Variants in TSPAN18 observed in about 807,000 individuals in gnomAD.
TSPAN18 encodes tetraspanin 18.
In TSPAN18, 14 loss-of-function variants were observed where a neutral mutation model predicts 27.3. The ratio of observed to expected loss-of-function variants is 0.51; its 90% CI spans 0.34 to 0.80. The LOEUF is 0.80. TSPAN18 is among the 30% of genes least tolerant of loss of function. The pLI, the probability that TSPAN18 is intolerant of heterozygous loss-of-function variation, is 0.01. For synonymous variants in TSPAN18, 143 were observed against 136.5 expected, an observed-to-expected ratio of 1.05 and a Z score of -0.33; for missense variants, 268 against 323.9, an observed-to-expected ratio of 0.83 and a Z score of 1.32.
chr11:44,848,396 A>G (rs527851305), intron 2 of TSPAN18, among the ~76,000 whole-genome samples: 1 of 152,276 alleles, frequency 6.6e-6, no homozygotes, highest in Admixed American at 6.5e-5. Flanking sequence ...TCCCCCAAGG[A>G]GTGCGCCCTT....
At chr11:44,835,581 C>A (rs985346009) in intron 2 of TSPAN18, among the ~76,000 whole-genome samples, 1 of 151,972 alleles carries the variant, frequency 6.6e-6, no homozygotes, top group Non-Finnish European at 1.5e-5. Flanking sequence ...TTGGATCAAG[C>A]CCCTCCCCAA....
chr11:44,862,442 A>G lies in TSPAN18; in HGVS notation c.-11+1973A>G, dbSNP rs139275975. Among the ~76,000 whole-genome samples the G allele has an allele frequency of 3.7e-3, 558 of 152,248 alleles. 2 individuals are homozygous for G. Among genetic ancestry groups the G allele is most frequent in the Middle Eastern group, 0.014 (4 of 294 alleles). ...TCTGTGTCTCGCCTGTGGGCTCCAA[A>G]GCTCTGACTCACCATGCAGCCAGCT... On this transcript the variant is annotated intron_variant, in intron 3 of 9. Transcript: ENST00000520358.
At chr11:44,735,156 T>C (rs1012925192) in intron 1 of TSPAN18, among the ~76,000 whole-genome samples, 4 of 152,172 alleles carry the variant, frequency 2.6e-5, no homozygotes, top group African/African-American at 9.7e-5. Flanking sequence ...TGCAGCTGGA[T>C]TTATGCTGAC....
At chr11:44,842,297 A>G (rs1234477153) in intron 2 of TSPAN18, among the ~76,000 whole-genome samples, 2 of 152,206 alleles carry the variant, frequency 1.3e-5, no homozygotes, top group East Asian at 1.9e-4. Context: ...AGAAACACAC[A>G]TGGACCAAGT....
chr11:44,774,807 T>C (rs1213615840), intron 2 of TSPAN18, among the ~76,000 whole-genome samples: 1 of 152,120 alleles, frequency 6.6e-6, no homozygotes, highest in African/African-American at 2.4e-5. Context: ...ACTTTGGTTG[T>C]GTGTGTGTGG....
At chr11:44,733,897 T>C (rs1442530457) in intron 1 of TSPAN18, among the ~76,000 whole-genome samples, 1 of 152,090 alleles carries the variant, frequency 6.6e-6, no homozygotes, top group Admixed American at 6.5e-5. Flanking sequence ...TGCTATAGTT[T>C]GGTTTGTTTG....
intron 2 of TSPAN18, among the ~76,000 whole-genome samples, chr11:44,808,255 C>T (rs1232587127): frequency 6.6e-6 from 1 of 152,186 alleles, no homozygotes; most frequent in African/African-American, 2.4e-5. Context: ...GGTCACACAG[C>T]TAGAAGAGGT....
chr11:44,908,775 G>GGAAAGGA (rs1859569767), intron 4 of TSPAN18, among the ~76,000 whole-genome samples: 1 of 94,626 alleles, frequency 1.1e-5, no homozygotes, highest in Non-Finnish European at 2.0e-5. Context: ...AAAGGAGAAA[G>GGAAAGGA]AAAGAAAGAA....
At position 44,883,352 on chromosome 11, in the gene TSPAN18, T is replaced by G. The variant is rs148423143; in HGVS notation, c.-11+22883T>G. ...GTGGCACCTAGATGTTTCTGCAACA[T>G]TGGCACTGGGAACCGTGAAACCATG... is the stretch of plus-strand genomic sequence containing the variant. On this transcript the variant is annotated intron_variant, in intron 3 of 9. Coordinates refer to ENST00000520358, the MANE Select transcript of TSPAN18 (RefSeq NM_130783.5). 1.6e-3 allele frequency among the ~76,000 whole-genome samples: 241 copies of G among 152,330 alleles called. 1 individual carries two copies. The highest frequency in any genetic ancestry group is 3.4e-3 in the Middle Eastern group (1 of 294).
At chr11:44,869,963 A>G (rs1305464315) in intron 3 of TSPAN18, among the ~76,000 whole-genome samples, 2 of 151,696 alleles carry the variant, frequency 1.3e-5, no homozygotes, top group African/African-American at 2.4e-5. Context: ...GTGACTTCTG[A>G]CCTTGTGACC....
intron 2 of TSPAN18, among the ~76,000 whole-genome samples, chr11:44,803,710 A>G (rs775958771): frequency 3.3e-5 from 5 of 152,154 alleles, no homozygotes; most frequent in Non-Finnish European, 7.4e-5. Context: ...GGACTTTGGA[A>G]TGAATTGGAT....
At chr11:44,819,204 A>G (rs1289587322) in intron 2 of TSPAN18, among the ~76,000 whole-genome samples, 2 of 152,162 alleles carry the variant, frequency 1.3e-5, no homozygotes, top group African/African-American at 4.8e-5. Flanking sequence ...GCCTTTGGCC[A>G]GGGATTGCTG....
chr11:44,821,327 C>A (rs935230296), intron 2 of TSPAN18, among the ~76,000 whole-genome samples: 2 of 152,202 alleles, frequency 1.3e-5, no homozygotes, highest in Admixed American at 1.3e-4. Flanking sequence ...GACTGTTTCT[C>A]ACGGGGCTAA....
rs140338454 is a variant in TSPAN18, at chr11:44,834,811, C to T, written c.-152-25517C>T. ...TGTCAGATGCCCTAGAAGTAGACAC[C>T]AAGGCAAGCATTTGTGAACAGAAGA... On this transcript the variant is annotated intron_variant, in intron 2 of 9. Transcript: ENST00000520358. Among the ~76,000 whole-genome samples, 145 of 152,056 alleles carry T rather than the reference C, an allele frequency of 9.5e-4. 1 individual carries two copies. Among genetic ancestry groups the T allele is most frequent in the Admixed American group, 2.7e-3 (42 of 15,278 alleles).
At chr11:44,922,760 C>T (rs1860190829) in intron 8 of TSPAN18, among the ~76,000 whole-genome samples, 1 of 152,194 alleles carries the variant, frequency 6.6e-6, no homozygotes, top group South Asian at 2.1e-4. Flanking sequence ...TGCTGAGTGA[C>T]TGGCTTCTGG....
intron 2 of TSPAN18, among the ~76,000 whole-genome samples, chr11:44,788,371 A>G (rs930745182): frequency 1.3e-5 from 2 of 152,108 alleles, no homozygotes; most frequent in Non-Finnish European, 2.9e-5. Flanking sequence ...TTCAATTTTA[A>G]TGAGTTTAAA....
chr11:44,755,360 T>C (rs1458045822), intron 1 of TSPAN18, among the ~76,000 whole-genome samples: 2 of 152,002 alleles, frequency 1.3e-5, no homozygotes, highest in African/African-American at 4.8e-5. Flanking sequence ...GAGGCACAAT[T>C]AACCAGGCTG....
At chr11:44,886,055 G>A (rs1441558737) in intron 3 of TSPAN18, 2 of 152,376 alleles carry the variant, frequency 1.3e-5, no homozygotes, top group African/African-American at 2.4e-5. Context: ...AGGATGCTGT[G>A]AGAAGGAAGG....
At chr11:44,928,654 C>T (rs562138584) in intron 9 of TSPAN18, among the ~76,000 whole-genome samples, 3 of 152,242 alleles carry the variant, frequency 2.0e-5, no homozygotes, top group Admixed American at 6.5e-5. Flanking sequence ...GGCGTGGTGA[C>T]GCATGCCTGT....
Sources: allele counts gnomAD v4.1 joint callset (sites outside exome capture counted in the v4.1 genomes callset), GRCh38; gene constraint gnomAD v4.1.1; transcripts MANE v1.5; gene names NCBI Gene and HGNC (gene_info 2026-07-23, HGNC 2026-07-21).